GRIK3: variants seen among roughly 807,000 people sequenced by gnomAD.
The protein encoded by GRIK3 is glutamate ionotropic receptor kainate type subunit 3.
A neutral mutation model predicts 102.5 loss-of-function variants in GRIK3; 29 were observed. The ratio of observed to expected loss-of-function variants is 0.28; its 90% CI spans 0.21 to 0.39. The LOEUF (loss-of-function observed/expected upper bound fraction) is 0.39. Ranked by LOEUF, GRIK3 falls within the 10% of genes least tolerant of loss-of-function variation. The pLI is 1.00. For synonymous variants in GRIK3, 511 were observed against 504.9 expected, an observed-to-expected ratio of 1.01 and a Z score of -0.16; for missense variants, 908 against 1,252.4, an observed-to-expected ratio of 0.73 and a Z score of 4.15.
intron 1 of GRIK3, among the ~76,000 whole-genome samples, chr1:36,907,700 C>A (rs1641299106): frequency 6.6e-6 from 1 of 152,006 alleles, no homozygotes; most frequent in Non-Finnish European, 1.5e-5. Flanking sequence ...GCCCCTCCAC[C>A]CCCAAACTCA....
At chr1:36,985,523 C>A (rs1264265798) in intron 1 of GRIK3, among the ~76,000 whole-genome samples, 1 of 152,152 alleles carries the variant, frequency 6.6e-6, no homozygotes, top group Non-Finnish European at 1.5e-5. Flanking sequence ...TTATGCCCAC[C>A]TGCATACCTG....
At chr1:36,805,998 A>G (rs950594336) in intron 14 of GRIK3, 106 bp downstream of exon 14, 1 of 619,348 alleles carries the variant, frequency 1.6e-6, no homozygotes, top group Non-Finnish European at 2.8e-6. Context: ...CGTCACCTTT[A>G]TCAGCCCCAT....
intron 1 of GRIK3, among the ~76,000 whole-genome samples, chr1:36,912,921 C>T (rs1442844953): frequency 6.6e-6 from 1 of 152,172 alleles, no homozygotes; most frequent in Admixed American, 6.5e-5. Context: ...CGTGACAAAT[C>T]AAAGAACACA....
chr1:36,843,065 T>C (rs1017039633), intron 9 of GRIK3, among the ~76,000 whole-genome samples: 2 of 152,122 alleles, frequency 1.3e-5, no homozygotes, highest in Non-Finnish European at 2.9e-5. Flanking sequence ...GAACAGAGCA[T>C]GACTTTGTCT....
intron 13 of GRIK3, among the ~76,000 whole-genome samples, chr1:36,815,758 CT>C (rs1642619510): frequency 6.6e-6 from 1 of 150,478 alleles, no homozygotes; most frequent in Admixed American, 6.6e-5. Flanking sequence ...GTGTTTCTTT[CT>C]TTCTTTTTTT....
At chr1:36,974,814 A>AC (rs1642178588) in intron 1 of GRIK3, among the ~76,000 whole-genome samples, 1 of 150,464 alleles carries the variant, frequency 6.6e-6, no homozygotes, top group Non-Finnish European at 1.5e-5. Flanking sequence ...AAAAAAAAAC[A>AC]AAAAAAAAGG....
intron 5 of GRIK3, among the ~76,000 whole-genome samples, chr1:36,862,728 C>G (rs749544851): frequency 6.6e-6 from 1 of 152,212 alleles, no homozygotes; most frequent in Non-Finnish European, 1.5e-5. Context: ...CACCCTCTCT[C>G]CTCATCTCAG....
intron 11 of GRIK3, among the ~76,000 whole-genome samples, 199 bp downstream of exon 11, chr1:36,825,404 G>C (rs765998982): frequency 3.3e-5 from 5 of 152,092 alleles, no homozygotes; most frequent in Non-Finnish European, 7.4e-5. Flanking sequence ...TGATTCAAGC[G>C]TGGGGGTGGG....
chr1:37,020,893 G>A (rs1642704213), intron 1 of GRIK3, among the ~76,000 whole-genome samples: 1 of 152,098 alleles, frequency 6.6e-6, no homozygotes, highest in African/African-American at 2.4e-5. Context: ...CAGAGGTTGG[G>A]GTGTCTCTCA....
chr1:37,012,597 G>A (rs964810387), intron 1 of GRIK3, among the ~76,000 whole-genome samples: 1 of 152,186 alleles, frequency 6.6e-6, no homozygotes, highest in African/African-American at 2.4e-5. Flanking sequence ...TGTTTACCAG[G>A]CCCTGAGCTA....
At chr1:36,898,814 G>A (rs1489423829) in intron 1 of GRIK3, among the ~76,000 whole-genome samples, 6 of 152,138 alleles carry the variant, frequency 3.9e-5, no homozygotes, top group Non-Finnish European at 8.8e-5. Context: ...CAAAGCTAGA[G>A]TAATCAAAAC....
At chr1:36,889,587 G>A (rs1448660817) in intron 2 of GRIK3, among the ~76,000 whole-genome samples, 1 of 152,054 alleles carries the variant, frequency 6.6e-6, no homozygotes, top group Non-Finnish European at 1.5e-5. Context: ...GGAAGCCCAG[G>A]GCTAGATTTT....
At chr1:36,998,829 C>A (rs1434877175) in intron 1 of GRIK3, among the ~76,000 whole-genome samples, 1 of 152,178 alleles carries the variant, frequency 6.6e-6, no homozygotes, top group Non-Finnish European at 1.5e-5. Flanking sequence ...TCCAGGTCCC[C>A]AGAACCACTG....
chr1:36,898,467 G>A (rs1229546823), intron 1 of GRIK3, among the ~76,000 whole-genome samples: 1 of 152,038 alleles, frequency 6.6e-6, no homozygotes, highest in East Asian at 1.9e-4. Context: ...CATCTATTAT[G>A]TACCCACAAA....
chr1:36,896,785 T>A (rs139232946), intron 1 of GRIK3, among the ~76,000 whole-genome samples: 1 of 152,082 alleles, frequency 6.6e-6, no homozygotes, highest in Non-Finnish European at 1.5e-5. Flanking sequence ...ACTATACAGG[T>A]GCACATAAAA....
intron 1 of GRIK3, among the ~76,000 whole-genome samples, chr1:36,901,484 C>T (rs1641231508): frequency 6.6e-6 from 1 of 152,052 alleles, no homozygotes; most frequent in African/African-American, 2.4e-5. Context: ...TGACAAAATC[C>T]AACACCCCAT....
rs1374691825 is a variant in GRIK3 at position 36,796,567 on chromosome 1, T to C, written c.*5284A>G. 6.6e-6 allele frequency: 1 copy of C among 152,210 alleles called. No individual in the cohort carries two copies. The highest frequency in any genetic ancestry group is 1.5e-5 in the Non-Finnish European group (1 of 68,050). The allele number at this position is 152,210 out of a possible 1,614,324, so 9.4% of individuals were successfully genotyped here. A position where few individuals can be genotyped will look rare whatever the true frequency, so the allele number is the denominator to read the frequency against. On this transcript the variant is annotated 3_prime_UTR_variant, in exon 16 of 16. Transcript: ENST00000373091. ...AAAATGGAGACAATCTGGGAGGTGA[T>C]GTGAGGTCCACTGTTCTAGAAGGCA...
chr1:36,850,104 C>T lies in GRIK3; in HGVS notation c.1326+207G>A. 1 of 561,548 alleles carries T rather than the reference C, an allele frequency of 1.8e-6. No homozygotes were observed. The highest frequency in any genetic ancestry group is 3.2e-6 in the Non-Finnish European group (1 of 314,144). 34.8% of individuals were successfully genotyped at this position (561,548 alleles called of 1,614,324 possible). A position where few individuals can be genotyped will look rare whatever the true frequency, so the allele number is the denominator to read the frequency against. ...TTGGGGAGTGAGTGGGAGTGAGACA[C>T]AAAAACGCAGCGGCTTCCGCCCGTG... On this transcript the variant is annotated intron_variant, in intron 9 of 15. Transcript: ENST00000373091. This position sits in a 1 kb window ranked among gnomAD's most constrained non-coding sequence, Gnocchi z 4.0.
intron 1 of GRIK3, among the ~76,000 whole-genome samples, chr1:36,909,830 A>C (rs760524434): frequency 3.3e-5 from 5 of 152,074 alleles, no homozygotes; most frequent in Non-Finnish European, 5.9e-5. Context: ...TTCTACTATG[A>C]TATGTTGTTA....
Sources: allele counts gnomAD v4.1 joint callset (sites outside exome capture counted in the v4.1 genomes callset), GRCh38; gene constraint gnomAD v4.1.1; non-coding constraint Gnocchi (gnomAD v3.1); transcripts MANE v1.5; gene names NCBI Gene and HGNC (gene_info 2026-07-23, HGNC 2026-07-21).